The following UTRN variants were observed in gnomAD, a reference collection of about 807,000 sequenced individuals.
UTRN encodes utrophin.
In UTRN, 283 loss-of-function variants were observed where a neutral mutation model predicts 463.9. The observed-to-expected ratio is 0.61, with a 90% CI of 0.55 to 0.67. The LOEUF is 0.67. UTRN is among the 30% of genes least tolerant of loss of function. The pLI, the probability that UTRN is intolerant of heterozygous loss-of-function variation, is 0.00. For missense variants in UTRN, 3,922 were observed against 4,084.3 expected (o/e 0.96, Z 1.08); for synonymous variants, 1,442 against 1,431.5 (o/e 1.01, Z -0.17).
At chr6:144,518,232 C>T (rs776238626) in intron 39 of UTRN, among the ~76,000 whole-genome samples, 1 of 152,188 alleles carries the variant, frequency 6.6e-6, no homozygotes, top group East Asian at 1.9e-4. Flanking sequence ...TTGTCTCTTC[C>T]TCACAGTTAT....
intron 20 of UTRN, 39 bp downstream of exon 20, chr6:144,459,050 G>A (rs779598384): frequency 1.3e-6 from 2 of 1,573,824 alleles, no homozygotes; most frequent in Non-Finnish European, 1.7e-6. Context: ...GGAATTCTAT[G>A]TGCAGTTCCA....
intron 2 of UTRN, among the ~76,000 whole-genome samples, chr6:144,372,947 T>C (rs952956207): frequency 6.6e-6 from 1 of 152,160 alleles, no homozygotes; most frequent in Non-Finnish European, 1.5e-5. Context: ...CTTAGGGAAA[T>C]GCAAATCAAA....
intron 2 of UTRN, among the ~76,000 whole-genome samples, chr6:144,393,417 A>T (rs1782113703): frequency 6.6e-6 from 1 of 152,386 alleles, no homozygotes. Flanking sequence ...CTAGTTTAAC[A>T]CAAGCATATT....
intron 59 of UTRN, 52 bp downstream of exon 59, chr6:144,772,020 T>G (rs1398384838): frequency 1.3e-5 from 6 of 464,314 alleles, no homozygotes; most frequent in Middle Eastern, 8.6e-4. Flanking sequence ...GAACCGGTTT[T>G]TTTTTTTTTT....
In UTRN at chr6:144,694,122, C is replaced by G. The variant is rs140942808; in HGVS notation, c.7653-5965C>G. Among the ~76,000 whole-genome samples, 203 of 151,908 alleles carry G rather than the reference C, an allele frequency of 1.3e-3. 2 individuals carry two copies. Among genetic ancestry groups the G allele is most frequent in the Admixed American group, 4.0e-3 (61 of 15,256 alleles). Reference sequence around the variant, plus strand: ...AAGGGGTGTTGAATTTTGTTGAAAGCCTTTTCTGCATGTATTGAGATAATC... The same window carrying G: ...AAGGGGTGTTGAATTTTGTTGAAAGGCTTTTCTGCATGTATTGAGATAATC... On this transcript the variant is annotated intron_variant, in intron 52 of 74. Transcript: ENST00000367545.
intron 51 of UTRN, among the ~76,000 whole-genome samples, chr6:144,673,931 G>T (rs181737208): frequency 6.6e-6 from 1 of 152,200 alleles, no homozygotes; most frequent in East Asian, 1.9e-4. Flanking sequence ...CAAAATTCTT[G>T]GCTGATAGTT....
At chr6:144,722,854 C>A (rs1355354331) in intron 53 of UTRN, among the ~76,000 whole-genome samples, 2 of 152,140 alleles carry the variant, frequency 1.3e-5, no homozygotes, top group African/African-American at 4.8e-5. Flanking sequence ...TCCCGCCCTC[C>A]CCATCCAAGC....
chr6:144,338,766 C>T (rs1466150140), intron 2 of UTRN, among the ~76,000 whole-genome samples: 2 of 152,034 alleles, frequency 1.3e-5, no homozygotes, highest in Non-Finnish European at 1.5e-5. Context: ...CTGTGGATTT[C>T]GTAGGTACAG....
chr6:144,461,375 GCTT>G (rs777822305), intron 22 of UTRN, 33 bp downstream of exon 22: 4 of 1,447,848 alleles, frequency 2.8e-6, no homozygotes, highest in Non-Finnish European at 3.7e-6. Flanking sequence ...GAACTCTAGC[GCTT>G]CTTCTAATAT....
At chr6:144,354,752 C>T (rs1404469651) in intron 2 of UTRN, among the ~76,000 whole-genome samples, 1 of 152,128 alleles carries the variant, frequency 6.6e-6, no homozygotes, top group Non-Finnish European at 1.5e-5. Context: ...TTGGGTGCCC[C>T]TCTTCTCTGC....
intron 45 of UTRN, 62 bp downstream of exon 45, chr6:144,539,505 G>A: frequency 1.3e-6 from 2 of 1,482,002 alleles, no homozygotes; most frequent in South Asian, 1.4e-5. Flanking sequence ...CAGAGATGTG[G>A]GATCATGTAA....
intron 5 of UTRN, 130 bp downstream of exon 5, chr6:144,423,756 A>G (rs1303868170): frequency 1.8e-6 from 2 of 1,142,076 alleles, no homozygotes; most frequent in Non-Finnish European, 2.5e-6. Flanking sequence ...GAAATACTGA[A>G]CTTTTTCTGT....
At chr6:144,558,953 A>G (rs1799623151) in intron 50 of UTRN, among the ~76,000 whole-genome samples, 1 of 152,192 alleles carries the variant, frequency 6.6e-6, no homozygotes, top group Admixed American at 6.6e-5. Context: ...CTAACATAAA[A>G]AAAAGAGATA....
intron 2 of UTRN, among the ~76,000 whole-genome samples, chr6:144,350,036 A>G (rs983821009): frequency 6.6e-6 from 1 of 152,198 alleles, no homozygotes; most frequent in African/African-American, 2.4e-5. Flanking sequence ...GCTAAAGTGA[A>G]ATTTTAGTCT....
rs1252851530 is a variant in UTRN at position 144,539,348 on chromosome 6, A to C, written c.6424A>C (p.Thr2142Pro). 1.9e-6 allele frequency: 3 copies of C among 1,613,386 alleles called. No individual in the cohort carries two copies. Among genetic ancestry groups the C allele is most frequent in the Non-Finnish European group, 2.5e-6 (3 of 1,179,740 alleles). ...TGAAAAACTCAAATGGCTGAATAGA[A>C]CTGAATTGGAGATGCTTTCAGATAA... Reference protein sequence around the residue: ...HAEKLKWLNRTELEMLSDKSL... With the variant: ...HAEKLKWLNRPELEMLSDKSL... The change falls in exon 45 of 75, where the codon ACT becomes CCT. Residue 2142 changes from threonine (T) to proline (P), a missense_variant. Around this residue, in one of 3 missense-constraint regions of UTRN, gnomAD observed 2,349 missense variants for 2,303.8 expected, o/e 1.02. Transcript: ENST00000367545.
chr6:144,413,918 C>T (rs1295611873), intron 3 of UTRN, among the ~76,000 whole-genome samples: 2 of 152,134 alleles, frequency 1.3e-5, no homozygotes, highest in Non-Finnish European at 2.9e-5. Flanking sequence ...ATTCTTCTGC[C>T]TCAGCTTCCT....
At chr6:144,772,596 G>C (rs748131329) in intron 59 of UTRN, among the ~76,000 whole-genome samples, 4 of 152,062 alleles carry the variant, frequency 2.6e-5, no homozygotes, top group Non-Finnish European at 5.9e-5. Flanking sequence ...AATATATATA[G>C]ATATACAATT....
intron 51 of UTRN, among the ~76,000 whole-genome samples, chr6:144,616,754 C>G (rs1191645261): frequency 6.6e-6 from 1 of 152,020 alleles, no homozygotes; most frequent in Non-Finnish European, 1.5e-5. Context: ...AATCTTATGC[C>G]CACTGGCTCA....
intron 54 of UTRN, among the ~76,000 whole-genome samples, chr6:144,733,507 C>CAAA (rs66466161): frequency 1.9e-5 from 2 of 105,406 alleles, no homozygotes. Context: ...AACTCCATCT[C>CAAA]AAAAAAAAAA....
Sources: allele counts gnomAD v4.1 joint callset (sites outside exome capture counted in the v4.1 genomes callset), GRCh38; gene constraint gnomAD v4.1.1; regional missense constraint gnomAD v4.1.1; transcripts MANE v1.5; gene names NCBI Gene and HGNC (gene_info 2026-07-23, HGNC 2026-07-21).